Variants in RIOX2 observed in about 807,000 individuals in gnomAD.
The protein encoded by RIOX2 is 60S ribosomal protein L27a histidine hydroxylase.
A neutral mutation model predicts 51.2 loss-of-function variants in RIOX2; 43 were observed. The ratio of observed to expected loss-of-function variants is 0.84; its 90% CI spans 0.66 to 1.08. The LOEUF (loss-of-function observed/expected upper bound fraction) is 1.08, where lower values mean the gene tolerates loss of function less well. RIOX2 is among the 50% of genes least tolerant of loss of function. RIOX2 has a pLI of 0.00. For missense variants in RIOX2, 566 were observed against 561.7 expected, an observed-to-expected ratio of 1.01 and a Z score of -0.08; for synonymous variants, 226 against 218.5, an observed-to-expected ratio of 1.03 and a Z score of -0.30.
intron 1 of RIOX2, among the ~76,000 whole-genome samples, chr3:97,970,395 C>A (rs929897137): frequency 5.9e-5 from 9 of 152,190 alleles, no homozygotes; most frequent in Admixed American, 5.9e-4. Context: ...TACATTATTT[C>A]TCTGATTCTC....
chr3:97,960,668 T>C (rs1705642625), intron 3 of RIOX2, among the ~76,000 whole-genome samples: 2 of 152,350 alleles, frequency 1.3e-5, no homozygotes, highest in East Asian at 3.9e-4. Context: ...GGTTTTATTT[T>C]TAAAAACGGA....
intron 4 of RIOX2, among the ~76,000 whole-genome samples, chr3:97,957,096 C>T (rs373437281): frequency 9.2e-5 from 14 of 152,300 alleles, no homozygotes; most frequent in African/African-American, 2.9e-4. Context: ...GCTCCAAGAC[C>T]CCCACTGTCA....
At chr3:97,969,152 A>C (rs759214054) in intron 1 of RIOX2, among the ~76,000 whole-genome samples, 39 of 152,358 alleles carry the variant, frequency 2.6e-4, no homozygotes, top group Non-Finnish European at 5.1e-4. Flanking sequence ...GCTTTTGATA[A>C]GGAAACACAG....
Position 97,942,359 on chromosome 3 carries a change from G to T in RIOX2, c.*2825C>A, listed in dbSNP as rs752169434. ...TAAAGTAGCTCTATGGACTGAACAT[G>T]GGCAATTCAGGCAGAAGTGGAGACT... On this transcript the variant is annotated 3_prime_UTR_variant, in exon 10 of 10. Coordinates refer to ENST00000394198, the MANE Select transcript of RIOX2 (RefSeq NM_153182.4). 5.0e-6 allele frequency: 8 copies of T among 1,611,738 alleles called. No homozygotes were observed. The highest frequency in any genetic ancestry group is 5.9e-6 in the Non-Finnish European group (7 of 1,178,582).
At position 97,947,351 on chromosome 3, in the gene RIOX2, G is replaced by A. The variant is rs745410649; in HGVS notation, c.1149+10C>T. On this transcript the variant is annotated intron_variant, in intron 8 of 9. Transcript: ENST00000394198. ...AGAAGACAGGAAATCTCCTCCTCTTGGATACTCACAGATTGATCTTGATCC... is the reference window on the plus strand; with the variant it reads ...AGAAGACAGGAAATCTCCTCCTCTTAGATACTCACAGATTGATCTTGATCC... 6.2e-7 allele frequency: 1 copy of A among 1,604,640 alleles called. No individual in the cohort carries two copies. Among genetic ancestry groups the A allele is most frequent in the Non-Finnish European group, 8.5e-7 (1 of 1,172,246 alleles).
chr3:97,946,587 T>TATATAC (rs1491446913), intron 8 of RIOX2, among the ~76,000 whole-genome samples: 1 of 4,274 alleles, frequency 2.3e-4, no homozygotes, highest in East Asian at 0.011. Flanking sequence ...TTTGAGGATG[T>TATATAC]ATATATATAT....
chr3:97,966,498 G>A (rs1705895791), intron 2 of RIOX2, among the ~76,000 whole-genome samples: 2 of 152,198 alleles, frequency 1.3e-5, no homozygotes, highest in African/African-American at 4.8e-5. Flanking sequence ...ACCAAGCATA[G>A]AGGAGGCAAA....
Position 97,947,398 on chromosome 3 carries a change from T to C in RIOX2, c.1112A>G (p.His371Arg). The C allele has an allele frequency of 6.2e-7, 1 of 1,613,570 alleles. No homozygotes were observed. Among genetic ancestry groups the C allele is most frequent in the East Asian group, 2.2e-5 (1 of 44,852 alleles). The change falls in exon 8 of 10, where the codon CAC becomes CGC. Residue 371 changes from histidine to arginine, a missense_variant. Physicochemically the swap from His to Arg is conservative, Grantham distance 29. Transcript: ENST00000394198. ...DSVVRLQFKD[H>R]IVLTVLPDQD... ...ATCCGGCAGTACTGTGAGGACAATGTGGTCTTTAAACTGCAGTCTCACTAC... is the reference window on the plus strand; with the variant it reads ...ATCCGGCAGTACTGTGAGGACAATGCGGTCTTTAAACTGCAGTCTCACTAC...
intron 8 of RIOX2, among the ~76,000 whole-genome samples, chr3:97,946,611 T>TA (rs2040372691): frequency 6.8e-5 from 10 of 146,836 alleles, no homozygotes; most frequent in African/African-American, 2.3e-4. Context: ...TATATATCTA[T>TA]TCATGTATAT....
chr3:97,956,480 C>G (rs1006045787), intron 4 of RIOX2, among the ~76,000 whole-genome samples: 15 of 151,978 alleles, frequency 9.9e-5, no homozygotes, highest in Admixed American at 5.9e-4. Context: ...GACAGACATA[C>G]AGATATTGCC....
intron 5 of RIOX2, 37 bp downstream of exon 5, chr3:97,954,355 G>C: frequency 6.8e-7 from 1 of 1,471,258 alleles, no homozygotes; most frequent in Non-Finnish European, 9.5e-7. Context: ...AGGACTCAGA[G>C]CTGTCCTAGC....
At chr3:97,971,716 C>G (rs982206163) in intron 1 of RIOX2, 1 of 152,174 alleles carries the variant, frequency 6.6e-6, no homozygotes, top group South Asian at 2.1e-4. Context: ...ACATGAAACC[C>G]GAGGCACCAG....
At position 97,949,409 on chromosome 3, in the gene RIOX2, A is replaced by T. The variant is rs1204557223; in HGVS notation, c.1060+435T>A. On this transcript the variant is annotated intron_variant, in intron 7 of 9. Coordinates refer to ENST00000394198, the MANE Select transcript of RIOX2 (RefSeq NM_153182.4). ...ACCATGCTTCTTGTACAGCCTGCAG[A>T]CCATGAGCCAAATAAACTTCTTTTC... 2.0e-5 allele frequency among the ~76,000 whole-genome samples: 3 copies of T among 152,280 alleles called. No homozygotes were observed. The East Asian group carries it at 5.8e-4, about 29-fold the overall frequency.
At chr3:97,964,809 A>AG (rs1432658592) in intron 2 of RIOX2, among the ~76,000 whole-genome samples, 2 of 147,972 alleles carry the variant, frequency 1.4e-5, no homozygotes, top group African/African-American at 4.8e-5. Context: ...ATATGAAATT[A>AG]CTTGGTAAAC....
chr3:97,952,170 G>T, intron 5 of RIOX2: 1 of 1,289,480 alleles, frequency 7.8e-7, no homozygotes. Flanking sequence ...GGTACCTGAA[G>T]GAGCATTAGG....
chr3:97,969,731 CACA>C (rs1371807158), intron 1 of RIOX2, among the ~76,000 whole-genome samples: 2 of 152,216 alleles, frequency 1.3e-5, no homozygotes, highest in Admixed American at 6.5e-5. Flanking sequence ...CAAGTGTTGA[CACA>C]ACTAGTTGCT....
chr3:97,946,586 G>GTGTATA (rs143245408), intron 8 of RIOX2, among the ~76,000 whole-genome samples: 6 of 127,612 alleles, frequency 4.7e-5, no homozygotes, highest in East Asian at 2.1e-4. Flanking sequence ...TTTTGAGGAT[G>GTGTATA]TATATATATA....
At chr3:97,947,830 A>AAGT (rs1338071172) in intron 7 of RIOX2, among the ~76,000 whole-genome samples, 1 of 152,212 alleles carries the variant, frequency 6.6e-6, no homozygotes, top group African/African-American at 2.4e-5. Flanking sequence ...TGGACTCTGG[A>AAGT]AGTACTACCT....
At chr3:97,952,103 C>A in intron 5 of RIOX2, 2 of 1,119,056 alleles carry the variant, frequency 1.8e-6, no homozygotes, top group Admixed American at 4.6e-5. Flanking sequence ...CCCAAACACT[C>A]CAACAATGCT....
Sources: gnomAD v4.1 joint callset for allele counts (sites outside exome capture counted in the v4.1 genomes callset) on GRCh38, gnomAD v4.1.1 for gene constraint, MANE v1.5 for transcripts, NCBI Gene and HGNC (gene_info 2026-07-23, HGNC 2026-07-21) for gene names.